Variants in TMCO6 observed in about 807,000 individuals in gnomAD.
The protein encoded by TMCO6 is transmembrane and coiled-coil domain-containing protein 6.
A neutral mutation model predicts 61.8 loss-of-function variants in TMCO6; 47 were observed. That is an observed-to-expected ratio of 0.76 (90% CI 0.60 to 0.97). TMCO6 has a LOEUF of 0.97. TMCO6 is among the 50% of genes least tolerant of loss of function. TMCO6 has a pLI of 0.00. For missense variants in TMCO6, 557 were observed against 601.6 expected (o/e 0.93, Z 0.78); for synonymous variants, 261 against 254.2 (o/e 1.03, Z -0.25).
the TMCO6 span, chr5:140,633,233 C>T: frequency 2.4e-6 from 2 of 839,542 alleles, no homozygotes; most frequent in Non-Finnish European, 3.9e-6. Context: ...TCAGTTCCCT[C>T]CTCTGTGAAC....
chr5:140,608,190 T>C, the TMCO6 span, among the ~76,000 whole-genome samples: 165 of 152,356 alleles, frequency 1.1e-3, no homozygotes, highest in African/African-American at 3.7e-3. Context: ...TGTGGCAATG[T>C]TCAGTCAAGT....
chr5:140,641,154 CA>C (rs1348672449), intron 2 of TMCO6: 1 of 155,878 alleles, frequency 6.4e-6, no homozygotes, highest in Non-Finnish European at 1.4e-5. Context: ...CTAAGTCTCT[CA>C]AAAAGAGCTA....
the TMCO6 span, among the ~76,000 whole-genome samples, chr5:140,623,467 A>T: frequency 6.6e-6 from 1 of 151,362 alleles, no homozygotes; most frequent in East Asian, 2.0e-4. Context: ...AGTCCTTTGG[A>T]TGTTAATCTG....
rs565081057 is a variant in TMCO6, at chr5:140,641,531, A to C, written c.199-134A>C. 14 of 691,732 alleles carry C rather than the reference A, an allele frequency of 2.0e-5. No individual in the cohort carries two copies. In the South Asian group the frequency reaches 2.3e-4, roughly 12 times the overall value. 42.8% of individuals were successfully genotyped at this position (691,732 alleles called of 1,614,324 possible). A position where few individuals can be genotyped will look rare whatever the true frequency, so the allele number is the denominator to read the frequency against. On this transcript the variant is annotated intron_variant, in intron 2 of 11. Transcript: ENST00000394671. ...CCACTCCACTGCAAGGTAGATGCTT[A>C]TTAGTTGCATTAGTGTGAATGACAA...
chr5:140,647,040 A>C, downstream of TMCO6: 1 of 533,514 alleles, frequency 1.9e-6, no homozygotes, highest in East Asian at 3.2e-5. Flanking sequence ...GTCCCTACGC[A>C]GGATTCGGTC....
At chr5:140,616,418 T>G in the TMCO6 span, among the ~76,000 whole-genome samples, 4,260 of 151,860 alleles carry the variant, frequency 0.028, 175 homozygotes, top group African/African-American at 0.093. Context: ...AAAAATTAGC[T>G]GGGCATGGTG....
At position 140,644,706 on chromosome 5, in the gene TMCO6, AGCT is replaced by A. The variant is rs1168268319; in HGVS notation, c.1340_1342del (p.Leu447del). ...ACTGAAGTAGTAGGCCAGAGTTTGG[AGCT>A]GCTGCATCTGCTGTTCCTGTATCAG... is the stretch of plus-strand genomic sequence containing the variant. On this transcript the variant is annotated inframe_deletion, in exon 11 of 12. Transcript: ENST00000394671. 2 of 1,614,168 alleles carry A rather than the reference AGCT, an allele frequency of 1.2e-6. No individual in the cohort carries two copies.
the TMCO6 span, chr5:140,609,469 A>G: frequency 2.4e-5 from 4 of 167,622 alleles, no homozygotes; most frequent in Admixed American, 2.5e-4. Context: ...CCTCCTCAGC[A>G]GCCTCCCTGG....
At chr5:140,622,782 G>A in the TMCO6 span, among the ~76,000 whole-genome samples, 1 of 151,724 alleles carries the variant, frequency 6.6e-6, no homozygotes, top group Non-Finnish European at 1.5e-5. Flanking sequence ...CAATGCATGG[G>A]GAAACGTTTT....
chr5:140,641,999 G>A lies in TMCO6; in HGVS notation c.444G>A (p.Leu148=), dbSNP rs1472499488. The change falls in exon 4 of 12, where the codon CTG becomes CTA. Residue 148 remains leucine (L), a synonymous_variant. Transcript: ENST00000394671. The part of the protein sequence containing the change: ...SEQSTVAEAC[L]PATSYLLTYL... The stretch of plus-strand genomic sequence containing the variant: ...AGTCCACTGTTGCTGAGGCCTGCCT[G>A]CCAGCCACTTCTTACCTCCTCACCT... 2.5e-6 allele frequency: 4 copies of A among 1,613,278 alleles called. No individual in the cohort carries two copies. In the African/African-American group the frequency reaches 5.3e-5, roughly 22 times the overall value.
chr5:140,638,495 G>T (rs903297702), upstream of TMCO6, among the ~76,000 whole-genome samples: 2 of 151,572 alleles, frequency 1.3e-5, no homozygotes, highest in African/African-American at 4.8e-5. Context: ...ATGAATTAAA[G>T]AATAAAAGAT....
the TMCO6 span, chr5:140,632,301 G>C: frequency 6.2e-7 from 1 of 1,613,958 alleles, no homozygotes; most frequent in Middle Eastern, 1.6e-4. The surrounding 1 kb of genome is among the most constrained non-coding windows in gnomAD (Gnocchi z 6.2). Flanking sequence ...GTTGCGCAGC[G>C]CTAGATTCTG....
At position 140,639,758 on chromosome 5, in the gene TMCO6, G is replaced by C; in HGVS notation, c.105G>C (p.Arg35Ser). The C allele has an allele frequency of 6.2e-7, 1 of 1,601,664 alleles. No homozygotes were observed. Residue 35 changes from arginine to serine, a missense_variant, in exon 2 of 12, where the codon AGG becomes AGC. Transcript: ENST00000394671. ...EREAALRKAR[R>S]EQQLVSKRLL... ...CCCCAGCACTGCGGAAGGCGCGGAG[G>C]GAGCAGCAGCTGGTCAGCAAGAGGC...
chr5:140,602,976 G>A, the TMCO6 span, among the ~76,000 whole-genome samples: 5 of 151,410 alleles, frequency 3.3e-5, no homozygotes, highest in South Asian at 2.1e-4. Flanking sequence ...AGGGTGAGCC[G>A]AGATAGTGCC....
rs561236112 is a variant in TMCO6, at chr5:140,645,034, A to G, written c.1418A>G (p.His473Arg). The G allele has an allele frequency of 9.2e-5, 149 of 1,614,238 alleles. No homozygotes were observed. In the South Asian group the frequency reaches 1.6e-3, roughly 17 times the overall value. Residue 473 changes from histidine to arginine, a missense_variant, in exon 12 of 12, where the codon CAT (histidine) becomes CGT (arginine). By Grantham distance (29) the His-to-Arg change is conservative. Coordinates refer to ENST00000394671, the MANE Select transcript of TMCO6 (RefSeq NM_018502.5). ...QQSGLQALERHQEEAQLQDRV... is the reference protein window; with the variant it reads ...QQSGLQALERRQEEAQLQDRV... The stretch of plus-strand genomic sequence containing the variant: ...TCAGGGCTGCAAGCCCTGGAAAGGC[A>G]TCAGGAAGAGGCCCAGCTCCAGGAT...
Position 140,643,586 on chromosome 5 carries a change from A to C in TMCO6, c.829A>C (p.Ile277Leu). 1.2e-6 allele frequency: 2 copies of C among 1,614,046 alleles called. No individual in the cohort carries two copies. The highest frequency in any genetic ancestry group is 2.2e-5 in the East Asian group (1 of 44,888). Residue 277 changes from isoleucine to leucine, a missense_variant, in exon 8 of 12, where the codon ATT (isoleucine) becomes CTT (leucine). Ile to Leu is a conservative substitution (Grantham distance 5, BLOSUM62 2). Transcript: ENST00000394671. Reference sequence around the variant, plus strand: ...CAGCCAGGTCAGCAATCCTCTGCTCATTGGCCATGGGGCTCTGTCTACTCT... The same window carrying C: ...CAGCCAGGTCAGCAATCCTCTGCTCCTTGGCCATGGGGCTCTGTCTACTCT... ...ICSQVSNPLL[I>L]GHGALSTLGL...
intron 6 of TMCO6, 21 bp from the exon 7 acceptor site, chr5:140,642,904 C>G (rs374988816): frequency 1.4e-5 from 22 of 1,614,042 alleles, no homozygotes; most frequent in South Asian, 1.1e-5. Context: ...TTCCTACTTA[C>G]AGCCCTGCTT....
chr5:140,633,115 G>T, the TMCO6 span: 1 of 1,613,330 alleles, frequency 6.2e-7, no homozygotes, highest in Non-Finnish European at 8.5e-7. Context: ...ACAGGCTCTG[G>T]AAGTGCTTTA....
Position 140,639,764 on chromosome 5 carries a change from G to A in TMCO6, c.111G>A (p.Gln37=). The change falls in exon 2 of 12, where the codon CAG becomes CAA. Residue 37 remains glutamine, a synonymous_variant. Transcript: ENST00000394671. ...CACTGCGGAAGGCGCGGAGGGAGCA[G>A]CAGCTGGTCAGCAAGAGGCTGCTGA... ...EAALRKARRE[Q]QLVSKRLLRN... 6.2e-7 allele frequency: 1 copy of A among 1,603,686 alleles called. No homozygotes were observed. Among genetic ancestry groups the A allele is most frequent in the Non-Finnish European group, 8.5e-7 (1 of 1,176,042 alleles).
Sources: gnomAD v4.1 joint callset for allele counts (sites outside exome capture counted in the v4.1 genomes callset) on GRCh38, gnomAD v4.1.1 for gene constraint, Gnocchi (gnomAD v3.1) non-coding constraint, MANE v1.5 for transcripts, NCBI Gene and HGNC (gene_info 2026-07-23, HGNC 2026-07-21) for gene names.